BTBD9: variants seen among roughly 807,000 people sequenced by gnomAD.
BTBD9 encodes BTB domain containing 9.
BTBD9 carries 49 observed loss-of-function variants against 64.3 expected under a neutral mutation model. The observed-to-expected ratio is 0.76, with a 90% CI of 0.61 to 0.97. The LOEUF (loss-of-function observed/expected upper bound fraction) is 0.97, where lower values mean the gene tolerates loss of function less well. Among genes scored for constraint, BTBD9 ranks in the 50% least tolerant of loss-of-function variants. The probability of loss-of-function intolerance (pLI) is 0.00; values close to 1 mark genes in which losing one functional copy is unlikely to be tolerated. For synonymous variants in BTBD9, 260 were observed against 274.7 expected, an observed-to-expected ratio of 0.95 and a Z score of 0.53; for missense variants, 598 against 762.1, an observed-to-expected ratio of 0.78 and a Z score of 2.53.
At chr6:38,540,259 A>G (rs1774210203) in intron 6 of BTBD9, among the ~76,000 whole-genome samples, 1 of 152,210 alleles carries the variant, frequency 6.6e-6, no homozygotes, top group South Asian at 2.1e-4. Context: ...GATTTTGTTC[A>G]GAGCCTAAGA....
At chr6:38,204,738 A>T (rs1310834342) in intron 9 of BTBD9, among the ~76,000 whole-genome samples, 1 of 152,128 alleles carries the variant, frequency 6.6e-6, no homozygotes, top group Non-Finnish European at 1.5e-5. Context: ...TAAAATGTTC[A>T]AAAAAAGACT....
At chr6:38,621,591 A>G (rs1777984411) in intron 1 of BTBD9, among the ~76,000 whole-genome samples, 1 of 152,248 alleles carries the variant, frequency 6.6e-6, no homozygotes, top group African/African-American at 2.4e-5. Context: ...TAGAACTGAG[A>G]AAGAAAAAAA....
rs1765589850 is a variant in BTBD9, at chr6:38,374,316, T to TATAC, written c.1155-29224_1155-29223insGTAT. Reference sequence around the variant, plus strand: ...ATATATGTATATATATGTATATATATATATATATATGTATATAAAATCTGT... The same window carrying TATAC: ...ATATATGTATATATATGTATATATATATACATATATATATGTATATAAAATCTGT... On this transcript the variant is annotated intron_variant, in intron 6 of 10. Transcript: ENST00000481247. Among the ~76,000 whole-genome samples the TATAC allele has an allele frequency of 3.4e-5, 4 of 116,322 alleles. 1 individual carries two copies. Among genetic ancestry groups the TATAC allele is most frequent in the African/African-American group, 1.4e-4 (4 of 28,148 alleles). 76.3% of individuals were successfully genotyped at this position (116,322 alleles called of 152,430 possible).
intron 9 of BTBD9, among the ~76,000 whole-genome samples, chr6:38,231,283 T>C (rs1212541320): frequency 6.6e-6 from 1 of 152,228 alleles, no homozygotes; most frequent in Non-Finnish European, 1.5e-5. Flanking sequence ...TAATTGGTAG[T>C]AGAAATGCAT....
At chr6:38,408,523 G>A (rs1017446382) in intron 6 of BTBD9, among the ~76,000 whole-genome samples, 5 of 152,138 alleles carry the variant, frequency 3.3e-5, no homozygotes, top group Admixed American at 3.3e-4. Context: ...CTTTGCTCGG[G>A]TTGAAATAAT....
At chr6:38,587,978 G>A in intron 4 of BTBD9, 3 of 740,248 alleles carry the variant, frequency 4.1e-6, no homozygotes, top group Non-Finnish European at 7.6e-6. Context: ...CTCCTCCTCA[G>A]TAGCAGCTCA....
At chr6:38,467,913 AG>A (rs1215049570) in intron 6 of BTBD9, among the ~76,000 whole-genome samples, 1 of 152,144 alleles carries the variant, frequency 6.6e-6, no homozygotes, top group Non-Finnish European at 1.5e-5. Context: ...TCGTTATCAT[AG>A]CTTACTTTTT....
intron 6 of BTBD9, among the ~76,000 whole-genome samples, chr6:38,572,284 A>G (rs1775804902): frequency 6.6e-6 from 1 of 152,196 alleles, no homozygotes; most frequent in African/African-American, 2.4e-5. Context: ...AGCATAAAGT[A>G]GGCGCTTATT....
At chr6:38,260,569 A>G (rs1764755721) in intron 8 of BTBD9, among the ~76,000 whole-genome samples, 1 of 152,230 alleles carries the variant, frequency 6.6e-6, no homozygotes, top group Non-Finnish European at 1.5e-5. Flanking sequence ...TGAGTATCAT[A>G]TATGTTCTAG....
intron 7 of BTBD9, among the ~76,000 whole-genome samples, chr6:38,336,906 A>C (rs2127585377): frequency 2.0e-5 from 3 of 152,300 alleles, no homozygotes; most frequent in Middle Eastern, 6.8e-3. Flanking sequence ...CCTGTGTCTA[A>C]GATACACTCA....
intron 2 of BTBD9, chr6:38,596,067 T>C (rs997200977): frequency 3.0e-6 from 3 of 985,042 alleles, no homozygotes; most frequent in South Asian, 9.4e-5. Context: ...ATTCCTTATC[T>C]GGGAATTGAT....
intron 6 of BTBD9, among the ~76,000 whole-genome samples, chr6:38,531,172 T>C (rs1019107604): frequency 6.6e-6 from 1 of 152,118 alleles, no homozygotes; most frequent in Non-Finnish European, 1.5e-5. Flanking sequence ...ACACATTTAA[T>C]AATCAAACTT....
At position 38,587,473 on chromosome 6, in the gene BTBD9, C is replaced by T. The variant is rs1374572679; in HGVS notation, c.814+5103G>A. On this transcript the variant is annotated intron_variant, in intron 4 of 10. Transcript: ENST00000481247. ...GCAACGAGTTTTCAGGGGAAAACTT[C>T]TGCGTAATGTTGAAGTAACAATAAA... 9.1e-6 allele frequency: 5 copies of T among 548,086 alleles called. No homozygotes were observed. In the Admixed American group the frequency reaches 1.1e-4, roughly 12 times the overall value. The allele number at this position is 548,086 out of a possible 1,614,324, so 34.0% of individuals were successfully genotyped here.
intron 7 of BTBD9, among the ~76,000 whole-genome samples, chr6:38,325,616 T>C (rs1481606697): frequency 6.6e-6 from 1 of 151,876 alleles, no homozygotes; most frequent in Non-Finnish European, 1.5e-5. Flanking sequence ...ACCCGGGAGG[T>C]GGAGCTTGCA....
intron 6 of BTBD9, among the ~76,000 whole-genome samples, chr6:38,526,984 G>A (rs1454492990): frequency 6.6e-6 from 1 of 152,094 alleles, no homozygotes; most frequent in Non-Finnish European, 1.5e-5. Flanking sequence ...GTTTTGAAAT[G>A]TGAAAAGATG....
chr6:38,533,377 A>G (rs997558916), intron 6 of BTBD9, among the ~76,000 whole-genome samples: 9 of 152,176 alleles, frequency 5.9e-5, no homozygotes, highest in African/African-American at 2.2e-4. Flanking sequence ...TTATAAATAT[A>G]TTTGCACCCA....
chr6:38,525,709 CAA>C (rs1045099890), intron 6 of BTBD9, among the ~76,000 whole-genome samples: 3 of 152,166 alleles, frequency 2.0e-5, no homozygotes, highest in Admixed American at 1.3e-4. Flanking sequence ...TATGCTTTAG[CAA>C]AGAGACTGGC....
rs544228582 is a variant in BTBD9 at position 38,561,782 on chromosome 6, C to T, written c.1154+15818G>A. Among the ~76,000 whole-genome samples, 17 of 152,158 alleles carry T rather than the reference C, an allele frequency of 1.1e-4. No homozygotes were observed. In the South Asian group the frequency reaches 1.7e-3, roughly 15 times the overall value. The stretch of plus-strand genomic sequence containing the variant: ...TGAGAACAGTAGACACTGGGGACTA[C>T]GGTGGGGGATGGGGCAAGGGCTGAA... On this transcript the variant is annotated intron_variant, in intron 6 of 10. Transcript: ENST00000481247.
chr6:38,585,227 T>C (rs1430928816), intron 4 of BTBD9, among the ~76,000 whole-genome samples: 2 of 152,196 alleles, frequency 1.3e-5, no homozygotes, highest in African/African-American at 4.8e-5. Flanking sequence ...TGATAGTTTC[T>C]CTAGCACAAT....
Sources: allele counts gnomAD v4.1 joint callset (sites outside exome capture counted in the v4.1 genomes callset), GRCh38; gene constraint gnomAD v4.1.1; transcripts MANE v1.5; gene names NCBI Gene and HGNC (gene_info 2026-07-23, HGNC 2026-07-21).